MBD5: variants seen among roughly 807,000 people sequenced by gnomAD.
MBD5 encodes methyl-CpG-binding domain protein 5.
Under a neutral mutation model 117.3 loss-of-function variants are expected in MBD5, and 13 were observed. The observed-to-expected ratio is 0.11, with a 90% CI of 0.07 to 0.18. MBD5 has a LOEUF of 0.18. Ranked by LOEUF, MBD5 falls within the 10% of genes least tolerant of loss-of-function variation. The pLI is 1.00. For synonymous variants in MBD5, 727 were observed against 766.4 expected, an observed-to-expected ratio of 0.95 and a Z score of 0.85; for missense variants, 1,879 against 2,093.8, an observed-to-expected ratio of 0.90 and a Z score of 2.00.
chr2:148,072,542 CA>C lies in MBD5; in HGVS notation c.-925+50859del, dbSNP rs971716893. On this transcript the variant is annotated intron_variant, in intron 1 of 13. Transcript: ENST00000642680. ...TAGAATTTTTTTTCTGGGAATAGAA[CA>C]TATATACCAACCAAAGGTTTGATTC... 7.0e-4 allele frequency among the ~76,000 whole-genome samples: 107 copies of C among 152,134 alleles called. 1 individual carries two copies. Among genetic ancestry groups the C allele is most frequent in the African/African-American group, 2.6e-3 (107 of 41,518 alleles).
intron 4 of MBD5, among the ~76,000 whole-genome samples, chr2:148,377,030 G>GATAT (rs56284878): frequency 4.7e-5 from 7 of 149,618 alleles, no homozygotes; most frequent in Non-Finnish European, 8.9e-5. Flanking sequence ...TATGTATACA[G>GATAT]ATATATATAT....
Position 148,483,749 on chromosome 2 carries a change from C to A in MBD5, c.3158C>A (p.Pro1053His), listed in dbSNP as rs1681243234. 2.6e-6 allele frequency: 4 copies of A among 1,550,452 alleles called. No individual in the cohort carries two copies. Among genetic ancestry groups the A allele is most frequent in the Admixed American group, 2.0e-5 (1 of 50,982 alleles). ...CGAGCTGAGACCCTTTTAACCAGCCCCCTGGGGAACCCTTTACCAAGCTTT... is the reference window on the plus strand; with the variant it reads ...CGAGCTGAGACCCTTTTAACCAGCCACCTGGGGAACCCTTTACCAAGCTTT... ...NSRAETLLTS[P>H]LGNPLPSFAG... is the part of the protein sequence containing the mutation. The change falls in exon 9 of 14, where the codon CCC becomes CAC. Residue 1053 changes from proline to histidine, a missense_variant. Pro to His is a moderately conservative substitution (Grantham distance 77). Coordinates refer to ENST00000642680, the MANE Select transcript of MBD5 (RefSeq NM_001378120.1).
intron 4 of MBD5, among the ~76,000 whole-genome samples, chr2:148,403,941 T>C (rs1705000767): frequency 1.3e-5 from 2 of 152,122 alleles, no homozygotes; most frequent in Non-Finnish European, 2.9e-5. Flanking sequence ...TTTCTAAAAG[T>C]TTGCCATTTC....
chr2:148,401,628 A>C (rs905908514), intron 4 of MBD5, among the ~76,000 whole-genome samples: 7 of 152,128 alleles, frequency 4.6e-5, no homozygotes, highest in Non-Finnish European at 8.8e-5. Flanking sequence ...AAGAGTTGCA[A>C]AATTGTGCAG....
chr2:148,474,488 T>C (rs997638098), intron 8 of MBD5, among the ~76,000 whole-genome samples: 5 of 152,146 alleles, frequency 3.3e-5, no homozygotes, highest in African/African-American at 1.2e-4. Context: ...ACAACATAAC[T>C]TTTTTCACTT....
chr2:148,044,880 T>G (rs1573947196), intron 1 of MBD5: 1 of 152,084 alleles, frequency 6.6e-6, no homozygotes, highest in East Asian at 1.9e-4. Context: ...AAGATTAAAA[T>G]TTAGTTGGTG....
chr2:148,436,111 G>A (rs1283652788), intron 4 of MBD5, among the ~76,000 whole-genome samples: 1 of 152,100 alleles, frequency 6.6e-6, no homozygotes, highest in Non-Finnish European at 1.5e-5. Flanking sequence ...CTGTTTATAG[G>A]GTGTCATGGA....
chr2:148,136,713 G>A (rs537789395), intron 1 of MBD5, among the ~76,000 whole-genome samples: 2 of 152,182 alleles, frequency 1.3e-5, no homozygotes, highest in East Asian at 3.9e-4. Context: ...GCTTTATGCA[G>A]AAATCTTACT....
At chr2:148,062,062 A>G (rs1345723246) in intron 1 of MBD5, 1 of 151,764 alleles carries the variant, frequency 6.6e-6, no homozygotes, top group Non-Finnish European at 1.5e-5. Flanking sequence ...TTGCATTGTC[A>G]TGATGTCTGA....
intron 2 of MBD5, among the ~76,000 whole-genome samples, chr2:148,183,784 A>T (rs1209861165): frequency 6.6e-6 from 1 of 152,164 alleles, no homozygotes; most frequent in East Asian, 1.9e-4. Flanking sequence ...ATTTTATCAA[A>T]AACTGTCTTC....
At chr2:148,164,678 TATAA>T (rs1698085741) in intron 1 of MBD5, among the ~76,000 whole-genome samples, 1 of 152,232 alleles carries the variant, frequency 6.6e-6, no homozygotes, top group Non-Finnish European at 1.5e-5. Flanking sequence ...CTTGCTAAAC[TATAA>T]GTACATAAAT....
chr2:148,285,199 A>C (rs1187176426), intron 3 of MBD5, among the ~76,000 whole-genome samples: 3 of 152,252 alleles, frequency 2.0e-5, no homozygotes, highest in Non-Finnish European at 4.4e-5. Flanking sequence ...TAGACAGCTT[A>C]GTTTACAGCA....
intron 1 of MBD5, among the ~76,000 whole-genome samples, chr2:148,058,679 C>T (rs1366433224): frequency 2.0e-5 from 3 of 151,960 alleles, no homozygotes; most frequent in Non-Finnish European, 2.9e-5. Flanking sequence ...ACATATTTTT[C>T]CATTATTGCT....
chr2:148,100,117 G>C (rs778629940), intron 1 of MBD5, among the ~76,000 whole-genome samples: 19 of 152,248 alleles, frequency 1.2e-4, no homozygotes, highest in Middle Eastern at 3.4e-3. Flanking sequence ...CATTTCGAGT[G>C]AGACCTAAGA....
At chr2:148,464,194 A>G (rs560645829) in intron 7 of MBD5, among the ~76,000 whole-genome samples, 3 of 152,318 alleles carry the variant, frequency 2.0e-5, no homozygotes, top group Admixed American at 6.5e-5. Context: ...TGTAAAGCTG[A>G]GCTAACAAAA....
chr2:148,362,784 G>A (rs1476711610), intron 4 of MBD5, among the ~76,000 whole-genome samples: 1 of 152,186 alleles, frequency 6.6e-6, no homozygotes, highest in Non-Finnish European at 1.5e-5. Flanking sequence ...AGATTCCAGA[G>A]GAAGGAATAG....
At chr2:148,349,247 T>A (rs1010230082) in intron 4 of MBD5, among the ~76,000 whole-genome samples, 1 of 152,100 alleles carries the variant, frequency 6.6e-6, no homozygotes, top group Admixed American at 6.6e-5. Context: ...TTTAATCTCA[T>A]TGAGTCTCTT....
intron 2 of MBD5, among the ~76,000 whole-genome samples, chr2:148,187,353 A>G (rs1460195488): frequency 4.6e-5 from 7 of 151,636 alleles, no homozygotes; most frequent in Non-Finnish European, 7.4e-5. Context: ...TGATACTATG[A>G]GGCATAACAA....
chr2:148,249,052 T>C (rs1700408408), intron 3 of MBD5, among the ~76,000 whole-genome samples: 1 of 152,030 alleles, frequency 6.6e-6, no homozygotes, highest in African/African-American at 2.4e-5. Context: ...CTATACAAAT[T>C]TTAGGAGAAC....
Sources: gnomAD v4.1 joint callset for allele counts (sites outside exome capture counted in the v4.1 genomes callset) on GRCh38, gnomAD v4.1.1 for gene constraint, MANE v1.5 for transcripts, NCBI Gene and HGNC (gene_info 2026-07-23, HGNC 2026-07-21) for gene names.